XRCC4: variants seen among roughly 807,000 people sequenced by gnomAD.
XRCC4 encodes the protein DNA repair protein XRCC4.
XRCC4 carries 28 observed loss-of-function variants against 39.1 expected under a neutral mutation model. The ratio of observed to expected loss-of-function variants is 0.72; its 90% CI spans 0.53 to 0.98. The LOEUF (loss-of-function observed/expected upper bound fraction) is 0.98, where lower values mean the gene tolerates loss of function less well. Among genes scored for constraint, XRCC4 ranks in the 50% least tolerant of loss-of-function variants. XRCC4 has a pLI of 0.00. For synonymous variants in XRCC4, 123 were observed against 126.4 expected (o/e 0.97, Z 0.18); for missense variants, 350 against 376.4 (o/e 0.93, Z 0.58).
At chr5:83,243,412 C>T (rs1053742625) in intron 6 of XRCC4, among the ~76,000 whole-genome samples, 1 of 152,224 alleles carries the variant, frequency 6.6e-6, no homozygotes, top group Non-Finnish European at 1.5e-5. Flanking sequence ...TTGACTGGCA[C>T]ATGGCTACCT....
At chr5:83,151,457 A>C (rs1370728604) in intron 3 of XRCC4, among the ~76,000 whole-genome samples, 1 of 152,198 alleles carries the variant, frequency 6.6e-6, no homozygotes, top group Admixed American at 6.5e-5. Context: ...AAAGGTTCAT[A>C]GAAAATCCCA....
chr5:83,369,265 TAGAATC>T, the XRCC4 span, among the ~76,000 whole-genome samples: 2 of 152,172 alleles, frequency 1.3e-5, no homozygotes, highest in Non-Finnish European at 2.9e-5. Flanking sequence ...GCTTTTATCA[TAGAATC>T]AGAGGGCGCA....
At chr5:83,152,259 T>A (rs1002853281) in intron 3 of XRCC4, among the ~76,000 whole-genome samples, 1 of 152,216 alleles carries the variant, frequency 6.6e-6, no homozygotes, top group Non-Finnish European at 1.5e-5. Flanking sequence ...GTGTTTAAGG[T>A]TTTTTAGGCA....
chr5:83,321,821 T>G (rs1756085509), intron 7 of XRCC4, among the ~76,000 whole-genome samples: 1 of 151,910 alleles, frequency 6.6e-6, no homozygotes, highest in East Asian at 1.9e-4. Flanking sequence ...TGCAAAAAAT[T>G]TAATGTGTTA....
At chr5:83,245,109 T>A (rs1173825993) in intron 6 of XRCC4, among the ~76,000 whole-genome samples, 1 of 152,076 alleles carries the variant, frequency 6.6e-6, no homozygotes, top group African/African-American at 2.4e-5. Context: ...TTGAGAAAAG[T>A]GTTCTGAGAA....
the XRCC4 span, among the ~76,000 whole-genome samples, chr5:83,366,235 T>C: frequency 2.0e-5 from 3 of 152,200 alleles, no homozygotes; most frequent in East Asian, 5.8e-4. Flanking sequence ...TCCTATTCAC[T>C]CATGAAATCT....
At chr5:83,113,420 G>A (rs1255097228) in intron 3 of XRCC4, among the ~76,000 whole-genome samples, 3 of 152,204 alleles carry the variant, frequency 2.0e-5, no homozygotes, top group Non-Finnish European at 2.9e-5. Context: ...CAGGGGCACA[G>A]TGCAAGCTGT....
chr5:83,180,983 C>CT (rs142232071), intron 3 of XRCC4, among the ~76,000 whole-genome samples: 9,550 of 150,088 alleles, frequency 0.064, 494 homozygotes, highest in African/African-American at 0.14. Flanking sequence ...ATAGTTTCTA[C>CT]AAACCTTATA....
chr5:83,139,018 G>A (rs1030002829), intron 3 of XRCC4, among the ~76,000 whole-genome samples: 1 of 151,926 alleles, frequency 6.6e-6, no homozygotes, highest in African/African-American at 2.4e-5. Flanking sequence ...TATAATTATA[G>A]TACAATTATT....
At chr5:83,166,679 G>A (rs1440162347) in intron 3 of XRCC4, among the ~76,000 whole-genome samples, 2 of 143,494 alleles carry the variant, frequency 1.4e-5, no homozygotes, top group African/African-American at 5.2e-5. Context: ...GTTTCACCAT[G>A]TTGGCCAGGC....
At chr5:83,310,217 A>G (rs999545199) in intron 7 of XRCC4, among the ~76,000 whole-genome samples, 7 of 152,172 alleles carry the variant, frequency 4.6e-5, no homozygotes, top group Non-Finnish European at 1.0e-4. Context: ...TTTTTTGGTC[A>G]CTGCATTAAT....
At chr5:83,365,208 A>G in the XRCC4 span, among the ~76,000 whole-genome samples, 6 of 152,294 alleles carry the variant, frequency 3.9e-5, no homozygotes, top group Admixed American at 1.3e-4. Flanking sequence ...GCCCCATTCA[A>G]ATAAATTGTT....
At chr5:83,168,525 A>G (rs909743728) in intron 3 of XRCC4, among the ~76,000 whole-genome samples, 4 of 152,212 alleles carry the variant, frequency 2.6e-5, no homozygotes, top group Non-Finnish European at 5.9e-5. Flanking sequence ...ACTATAATGG[A>G]AGGAAGGATG....
At chr5:83,315,008 A>G (rs1277668953) in intron 7 of XRCC4, among the ~76,000 whole-genome samples, 1 of 152,180 alleles carries the variant, frequency 6.6e-6, no homozygotes, top group African/African-American at 2.4e-5. Flanking sequence ...GTTGAAAGCC[A>G]AAAGTCAAAA....
At chr5:83,258,380 C>A in intron 6 of XRCC4, 150 bp from the exon 7 acceptor site, 1 of 895,554 alleles carries the variant, frequency 1.1e-6, no homozygotes, top group Non-Finnish European at 1.7e-6. Flanking sequence ...ATCTAACTGA[C>A]TTGATTCAAC....
chr5:83,203,833 A>T (rs1236117673), intron 5 of XRCC4, 126 bp downstream of exon 5: 50 of 1,156,466 alleles, frequency 4.3e-5, no homozygotes, highest in Non-Finnish European at 5.9e-5. Flanking sequence ...CTGGATGTGG[A>T]TGTTCAGGCT....
intron 6 of XRCC4, among the ~76,000 whole-genome samples, chr5:83,256,978 A>G (rs1306416651): frequency 2.0e-5 from 3 of 152,254 alleles, no homozygotes; most frequent in East Asian, 3.9e-4. Flanking sequence ...TGGAAAACCC[A>G]TAGCAAAGTG....
intron 3 of XRCC4, among the ~76,000 whole-genome samples, chr5:83,157,824 C>G (rs1749032387): frequency 6.6e-6 from 1 of 151,632 alleles, no homozygotes; most frequent in Non-Finnish European, 1.5e-5. Context: ...AATAAGAGTT[C>G]CAGGAAGAGG....
intron 7 of XRCC4, among the ~76,000 whole-genome samples, chr5:83,337,614 AG>A (rs1271336813): frequency 2.0e-5 from 3 of 152,154 alleles, no homozygotes; most frequent in Admixed American, 6.6e-5. Flanking sequence ...TTTCCACCCC[AG>A]CTTTCTAGTG....
Sources: gnomAD v4.1 joint callset for allele counts (sites outside exome capture counted in the v4.1 genomes callset) on GRCh38, gnomAD v4.1.1 for gene constraint, MANE v1.5 for transcripts, NCBI Gene and HGNC (gene_info 2026-07-23, HGNC 2026-07-21) for gene names.